Variants in COL8A1 observed in about 807,000 individuals in gnomAD.
COL8A1 encodes collagen type VIII alpha 1 chain, also known as collagen alpha-1(VIII) chain.
Under a neutral mutation model 42.7 loss-of-function variants are expected in COL8A1, and 21 were observed. The observed-to-expected ratio is 0.49, with a 90% CI of 0.35 to 0.71. COL8A1 has a LOEUF of 0.71. COL8A1 is among the 30% of genes least tolerant of loss of function. The probability of loss-of-function intolerance (pLI) is 0.01; values close to 1 mark genes in which losing one functional copy is unlikely to be tolerated. For missense variants in COL8A1, 788 were observed against 962.4 expected, an observed-to-expected ratio of 0.82 and a Z score of 2.40; for synonymous variants, 367 against 369.1, an observed-to-expected ratio of 0.99 and a Z score of 0.06.
rs767944098 is a variant in COL8A1 at position 99,795,584 on chromosome 3, C to CCCAGGCCCT, written c.1689_1697dup (p.Gly569_Pro571dup). ...AAGGCCAGCCTGGCCTTCCAGGACC[C>CCCAGGCCCT]CCAGGCCCTCCAGGACCTCCAGGAC... On this transcript the variant is annotated inframe_insertion, in exon 4 of 4. Transcript: ENST00000652472. 8.1e-6 allele frequency: 13 copies of CCCAGGCCCT among 1,610,996 alleles called. No individual in the cohort carries two copies. In the South Asian group the frequency reaches 9.9e-5, roughly 12 times the overall value.
chr3:99,664,407 T>C (rs1938299522), intron 1 of COL8A1, among the ~76,000 whole-genome samples: 1 of 152,146 alleles, frequency 6.6e-6, no homozygotes. Context: ...ATTCTATAAC[T>C]TCGTGGTCAC....
intron 2 of COL8A1, among the ~76,000 whole-genome samples, chr3:99,778,492 G>C (rs936203560): frequency 6.6e-6 from 1 of 152,034 alleles, no homozygotes; most frequent in Admixed American, 6.6e-5. Context: ...CTAAGCCTAA[G>C]AAATTTATCA....
chr3:99,740,552 T>C (rs1364699146), intron 1 of COL8A1, among the ~76,000 whole-genome samples: 2 of 152,086 alleles, frequency 1.3e-5, no homozygotes, highest in South Asian at 2.1e-4. Context: ...TACAAAACCA[T>C]CAGATCCTGT....
Position 99,795,209 on chromosome 3 carries a change from C to T in COL8A1, c.1308C>T (p.Phe436=), listed in dbSNP as rs1942079696. Residue 436 remains phenylalanine (F), a synonymous_variant, in exon 4 of 4, where the codon TTC becomes TTT. Coordinates refer to ENST00000652472, the MANE Select transcript of COL8A1 (RefSeq NM_020351.4). ...GPKGEPGLQG[F]PGKPGFLGEV... Reference sequence around the variant, plus strand: ...AGGGTGAGCCAGGGCTTCAAGGCTTCCCAGGAAAGCCAGGTTTCCTTGGTG... The same window carrying T: ...AGGGTGAGCCAGGGCTTCAAGGCTTTCCAGGAAAGCCAGGTTTCCTTGGTG... The T allele has an allele frequency of 6.2e-7, 1 of 1,613,492 alleles. No individual in the cohort carries two copies. Among genetic ancestry groups the T allele is most frequent in the Non-Finnish European group, 8.5e-7 (1 of 1,179,766 alleles).
intron 1 of COL8A1, among the ~76,000 whole-genome samples, chr3:99,648,990 C>G (rs981844278): frequency 6.6e-6 from 1 of 152,040 alleles, no homozygotes; most frequent in Non-Finnish European, 1.5e-5. Context: ...AAAAAGGAAA[C>G]AAAGCCTAGC....
At chr3:99,725,730 C>A (rs997335827) in intron 1 of COL8A1, among the ~76,000 whole-genome samples, 10 of 151,894 alleles carry the variant, frequency 6.6e-5, no homozygotes, top group African/African-American at 2.4e-4. Context: ...CATGTCCCTA[C>A]AAAGGACATG....
chr3:99,796,152 AAAC>A lies in COL8A1; in HGVS notation c.*19_*21del, dbSNP rs758313102. 16 of 1,453,562 alleles carry A rather than the reference AAAC, an allele frequency of 1.1e-5. 1 individual carries two copies. The East Asian group carries it at 3.7e-4, about 34-fold the overall frequency. 90.0% of individuals were successfully genotyped at this position (1,453,562 alleles called of 1,614,324 possible). On this transcript the variant is annotated 3_prime_UTR_variant, in exon 4 of 4. Coordinates refer to ENST00000652472, the MANE Select transcript of COL8A1 (RefSeq NM_020351.4). Reference sequence around the variant, plus strand: ...TCCCATGTAAAAACAAAAAAACAAAAAACAAAGAAAAGAAAGAGATTTTATAGA... The same window carrying A: ...TCCCATGTAAAAACAAAAAAACAAAAAAAGAAAAGAAAGAGATTTTATAGA...
At chr3:99,756,885 G>A (rs570538989) in intron 2 of COL8A1, among the ~76,000 whole-genome samples, 1 of 152,336 alleles carries the variant, frequency 6.6e-6, no homozygotes, top group Admixed American at 6.5e-5. Flanking sequence ...AGAGAAAACT[G>A]AAGGATCACT....
chr3:99,697,163 T>C (rs538377854), intron 1 of COL8A1, among the ~76,000 whole-genome samples: 12 of 151,506 alleles, frequency 7.9e-5, no homozygotes, highest in African/African-American at 2.2e-4. Flanking sequence ...ATTTTTTGTA[T>C]TTTTAGTAGA....
intron 1 of COL8A1, among the ~76,000 whole-genome samples, chr3:99,711,139 T>A (rs1190024445): frequency 6.6e-6 from 1 of 152,098 alleles, no homozygotes; most frequent in Non-Finnish European, 1.5e-5. Flanking sequence ...CAATTGCAAA[T>A]CTTCACAGTG....
At chr3:99,749,306 G>A (rs1396763262) in intron 2 of COL8A1, among the ~76,000 whole-genome samples, 2 of 152,156 alleles carry the variant, frequency 1.3e-5, no homozygotes, top group South Asian at 4.1e-4. Flanking sequence ...AAATCAGCAA[G>A]AGGGAACAGA....
At chr3:99,684,881 T>C (rs927229080) in intron 1 of COL8A1, among the ~76,000 whole-genome samples, 3 of 152,198 alleles carry the variant, frequency 2.0e-5, no homozygotes, top group Non-Finnish European at 4.4e-5. Context: ...TGGATTAGCA[T>C]GACTGAATTA....
At chr3:99,674,155 C>T (rs1938622887) in intron 1 of COL8A1, among the ~76,000 whole-genome samples, 1 of 151,860 alleles carries the variant, frequency 6.6e-6, no homozygotes, top group Non-Finnish European at 1.5e-5. Context: ...ATCCAAATAA[C>T]CCTTCCTTTT....
intron 1 of COL8A1, among the ~76,000 whole-genome samples, chr3:99,695,805 C>T (rs1939350795): frequency 1.3e-5 from 2 of 152,142 alleles, no homozygotes. Flanking sequence ...TGCCCCCAAG[C>T]CTGGCACATA....
chr3:99,670,799 A>G (rs897639370), intron 1 of COL8A1, among the ~76,000 whole-genome samples: 1 of 151,804 alleles, frequency 6.6e-6, no homozygotes, highest in Non-Finnish European at 1.5e-5. Context: ...CTATTATTCT[A>G]TTCTCTACTT....
At chr3:99,777,575 A>G (rs553832185) in intron 2 of COL8A1, among the ~76,000 whole-genome samples, 2 of 152,350 alleles carry the variant, frequency 1.3e-5, no homozygotes, top group African/African-American at 2.4e-5. Flanking sequence ...AAGCTCACAC[A>G]GACTGAGCTG....
intron 1 of COL8A1, among the ~76,000 whole-genome samples, chr3:99,714,635 T>A (rs1013438893): frequency 3.9e-5 from 6 of 152,128 alleles, no homozygotes; most frequent in Non-Finnish European, 5.9e-5. Flanking sequence ...CATTTATCCA[T>A]CATTCATTTA....
intron 1 of COL8A1, among the ~76,000 whole-genome samples, chr3:99,643,320 C>T (rs753879343): frequency 6.6e-6 from 1 of 152,140 alleles, no homozygotes; most frequent in Non-Finnish European, 1.5e-5. Context: ...ATGTCTAGGA[C>T]ACGTTGACAT....
rs1279002616 is a variant in COL8A1, at chr3:99,759,656, G to T, written c.-4+14635G>T. On this transcript the variant is annotated intron_variant, in intron 2 of 3. Coordinates refer to ENST00000652472, the MANE Select transcript of COL8A1 (RefSeq NM_020351.4). Reference sequence around the variant, plus strand: ...ACCAATGTTTTTTTAGACACACAATGACTCTGCTTTATTAGTTTGAAAAGC... The same window carrying T: ...ACCAATGTTTTTTTAGACACACAATTACTCTGCTTTATTAGTTTGAAAAGC... Among the ~76,000 whole-genome samples, 4 of 152,244 alleles carry T rather than the reference G, an allele frequency of 2.6e-5. No individual in the cohort carries two copies. The East Asian group carries it at 5.8e-4, about 22-fold the overall frequency.
Sources: allele counts gnomAD v4.1 joint callset (sites outside exome capture counted in the v4.1 genomes callset), GRCh38; gene constraint gnomAD v4.1.1; transcripts MANE v1.5; gene names NCBI Gene and HGNC (gene_info 2026-07-23, HGNC 2026-07-21).